The following C10orf53 variants were observed in gnomAD, a reference collection of about 807,000 sequenced individuals.
The protein encoded by C10orf53 is UPF0728 protein C10orf53.
Under a neutral mutation model 9.4 loss-of-function variants are expected in C10orf53, and 8 were observed. The ratio of observed to expected loss-of-function variants is 0.85; its 90% confidence interval spans 0.50 to 1.53. The LOEUF is 1.53. Ranked by LOEUF, C10orf53 falls within the 40% of genes most tolerant of loss-of-function variation. The pLI, the probability that C10orf53 is intolerant of heterozygous loss-of-function variation, is 0.00. For missense variants in C10orf53, 117 were observed against 117.8 expected, an observed-to-expected ratio of 0.99 and a Z score of 0.03; for synonymous variants, 48 against 46.0, an observed-to-expected ratio of 1.04 and a Z score of -0.18.
chr10:49,693,947 C>T (rs866424165), intron 2 of C10orf53, 54 bp downstream of exon 2: 1 of 1,610,126 alleles, frequency 6.2e-7, no homozygotes, highest in African/African-American at 1.3e-5. Context: ...TGAGGAGTCC[C>T]TCAATTTCTA....
At chr10:49,681,404 C>T (rs752177761) in intron 1 of C10orf53, among the ~76,000 whole-genome samples, 1 of 152,094 alleles carries the variant, frequency 6.6e-6, no homozygotes, top group Non-Finnish European at 1.5e-5. Flanking sequence ...TTTAGCTGAG[C>T]AATCAGGGAA....
chr10:49,691,921 G>T (rs1022566042), intron 1 of C10orf53, among the ~76,000 whole-genome samples: 1 of 152,214 alleles, frequency 6.6e-6, no homozygotes, highest in East Asian at 1.9e-4. Flanking sequence ...GAGGTTGGGG[G>T]GTGCGGGTGT....
chr10:49,699,270 T>G (rs1476622578), downstream of C10orf53, among the ~76,000 whole-genome samples: 1 of 130,298 alleles, frequency 7.7e-6, no homozygotes, highest in East Asian at 2.6e-4. Context: ...CATAGCTCAC[T>G]GCAGCCTCAA....
intron 1 of C10orf53, among the ~76,000 whole-genome samples, chr10:49,690,568 T>C (rs1840573623): frequency 6.6e-6 from 1 of 152,216 alleles, no homozygotes; most frequent in African/African-American, 2.4e-5. Context: ...ATCCATGAAT[T>C]ATAATAACTC....
At position 49,693,775 on chromosome 10, in the gene C10orf53, T is replaced by C; in HGVS notation, c.99T>C (p.Ala33=). 1 of 1,613,360 alleles carries C rather than the reference T, an allele frequency of 6.2e-7. No homozygotes were observed. Among genetic ancestry groups the C allele is most frequent in the Non-Finnish European group, 8.5e-7 (1 of 1,179,452 alleles). ...HHTFRLQGLQ[A]VLAIDGHEVI... is the part of the protein sequence containing the mutation. ...CACCTCCTTTTCTTTCCTTCCCAGC[T>C]GTGTTGGCCATAGATGGACATGAGG... Residue 33 remains alanine (A), a splice_region_variant and synonymous_variant, in exon 2 of 3, where the codon GCT becomes GCC. Coordinates refer to ENST00000374111, the MANE Select transcript of C10orf53 (RefSeq NM_001042427.3).
chr10:49,710,173 G>A (rs1026056850), exon 3 of C10orf53: 2 of 152,118 alleles, frequency 1.3e-5, no homozygotes, highest in Non-Finnish European at 2.9e-5. Flanking sequence ...GGCAATCAAT[G>A]CTCCATCCTG....
At chr10:49,683,384 T>C (rs1449426917) in intron 1 of C10orf53, among the ~76,000 whole-genome samples, 2 of 152,238 alleles carry the variant, frequency 1.3e-5, no homozygotes, top group Admixed American at 1.3e-4. Context: ...CTTTTTTTTG[T>C]TACTGAGTTG....
Position 49,704,203 on chromosome 10 carries a change from G to A in C10orf53, c.218-4158G>A, listed in dbSNP as rs75098765. Among the ~76,000 whole-genome samples, 547 of 152,252 alleles carry A rather than the reference G, an allele frequency of 3.6e-3. 4 individuals are homozygous for A. The highest frequency in any genetic ancestry group is 0.013 in the African/African-American group (528 of 41,538). ...ATTCAACTTCATAAGAAGAAAAGTG[G>A]TTTTGTGTTTTTAAAAACAAAGCAA... On this transcript the variant is annotated intron_variant, in intron 2 of 2. Transcript: ENST00000374112.
chr10:49,694,515 G>C, intron 2 of C10orf53, 23 bp from the exon 3 acceptor site: 1 of 1,613,864 alleles, frequency 6.2e-7, no homozygotes, highest in South Asian at 1.1e-5. Context: ...CTAACCAAAA[G>C]ACAATTATAT....
intron 1 of C10orf53, among the ~76,000 whole-genome samples, chr10:49,692,917 A>T (rs1322578457): frequency 6.6e-6 from 1 of 152,240 alleles, no homozygotes; most frequent in East Asian, 1.9e-4. Flanking sequence ...TTTTTTTCAG[A>T]TTATTATACG....
At chr10:49,699,148 A>T (rs911151635), downstream of C10orf53, among the ~76,000 whole-genome samples, 23 of 100,976 alleles carry the variant, frequency 2.3e-4, no homozygotes, top group East Asian at 6.6e-4. Context: ...AAGATTTATC[A>T]TTTTTCTTTC....
chr10:49,687,711 G>A (rs1186141890), intron 1 of C10orf53, among the ~76,000 whole-genome samples: 2 of 152,236 alleles, frequency 1.3e-5, no homozygotes, highest in Non-Finnish European at 2.9e-5. Flanking sequence ...CCTGAGGAAG[G>A]CTCATTGCGA....
intron 2 of C10orf53, among the ~76,000 whole-genome samples, chr10:49,707,474 C>T (rs1475931822): frequency 1.3e-5 from 2 of 152,168 alleles, no homozygotes; most frequent in Admixed American, 1.3e-4. Context: ...ATACAGTGAA[C>T]CAGGTTCAGG....
At chr10:49,690,369 C>A (rs1249718669) in intron 1 of C10orf53, among the ~76,000 whole-genome samples, 2 of 152,184 alleles carry the variant, frequency 1.3e-5, no homozygotes, top group African/African-American at 2.4e-5. Context: ...GCACTCACCG[C>A]ACAGCAGGCA....
chr10:49,693,810 A>G lies in C10orf53; in HGVS notation c.134A>G (p.Glu45Gly). Residue 45 changes from glutamate (E) to glycine (G), a missense_variant, in exon 2 of 3, where the codon GAG becomes GGG. Coordinates refer to ENST00000374111, the MANE Select transcript of C10orf53 (RefSeq NM_001042427.3). The stretch of plus-strand genomic sequence containing the variant: ...ATAGATGGACATGAGGTCATCCTAG[A>G]GAAGATAGAAGACTGGAATGTGGTG... ...LAIDGHEVILEKIEDWNVVEL... is the reference protein window; with the variant it reads ...LAIDGHEVILGKIEDWNVVEL... The G allele has an allele frequency of 1.9e-6, 3 of 1,613,922 alleles. No homozygotes were observed. The highest frequency in any genetic ancestry group is 2.5e-6 in the Non-Finnish European group (3 of 1,179,758).
At chr10:49,699,725 A>T (rs118141829), downstream of C10orf53, among the ~76,000 whole-genome samples, 1 of 152,236 alleles carries the variant, frequency 6.6e-6, no homozygotes, top group Non-Finnish European at 1.5e-5. Flanking sequence ...GTGTGTGCAG[A>T]CTACTCTTGT....
chr10:49,703,280 C>T (rs1343880137), intron 2 of C10orf53, among the ~76,000 whole-genome samples: 1 of 152,188 alleles, frequency 6.6e-6, no homozygotes, highest in African/African-American at 2.4e-5. Context: ...CATAGTTACT[C>T]CTTTACCTGC....
intron 1 of C10orf53, among the ~76,000 whole-genome samples, chr10:49,692,726 G>A (rs1178683868): frequency 6.6e-6 from 1 of 152,172 alleles, no homozygotes; most frequent in African/African-American, 2.4e-5. Flanking sequence ...GCTCTAGGCT[G>A]TCCAATGTAC....
Position 49,708,437 on chromosome 10 carries a change from T to A in C10orf53, c.294T>A (p.Cys98Ter), listed in dbSNP as rs757215375. Residue 98 changes from cysteine to a stop codon, truncating the protein, a stop_gained, in exon 3 of 3, where the codon TGT (cysteine) becomes TGA (stop). Coordinates refer to the C10orf53 transcript ENST00000374112. LOFTEE classifies it low-confidence loss of function (END_TRUNC). ...CATTTCACCAGCTTAGCAGCCCGTGTAGGATGAAAGTTTCTCCTTTGCAAC... is the reference window on the plus strand; with the variant it reads ...CATTTCACCAGCTTAGCAGCCCGTGAAGGATGAAAGTTTCTCCTTTGCAAC... The A allele has an allele frequency of 3.7e-6, 6 of 1,614,048 alleles. No individual in the cohort carries two copies. The South Asian group carries it at 6.6e-5, about 18-fold the overall frequency.
Sources: allele counts gnomAD v4.1 joint callset (sites outside exome capture counted in the v4.1 genomes callset), GRCh38; gene constraint gnomAD v4.1.1; transcripts MANE v1.5; gene names NCBI Gene and HGNC (gene_info 2026-07-23, HGNC 2026-07-21).